GRIA2: variants seen among roughly 807,000 people sequenced by gnomAD.
The protein encoded by GRIA2 is glutamate receptor 2.
GRIA2 carries 14 observed loss-of-function variants against 97.3 expected under a neutral mutation model. That is an observed-to-expected ratio of 0.14 (90% CI 0.10 to 0.23). The LOEUF (loss-of-function observed/expected upper bound fraction) is 0.23, where lower values mean the gene tolerates loss of function less well. GRIA2 is among the 10% of genes least tolerant of loss of function. The pLI is 1.00. For synonymous variants in GRIA2, 412 were observed against 387.8 expected, an observed-to-expected ratio of 1.06 and a Z score of -0.73; for missense variants, 558 against 1,069.8, an observed-to-expected ratio of 0.52 and a Z score of 6.67.
intron 2 of GRIA2, among the ~76,000 whole-genome samples, chr4:157,293,301 A>G (rs1180997024): frequency 3.9e-5 from 6 of 152,168 alleles, no homozygotes; most frequent in Non-Finnish European, 5.9e-5. Context: ...AACAATCTAA[A>G]TATCTTTCAA....
At chr4:157,287,574 C>T (rs990864855) in intron 2 of GRIA2, among the ~76,000 whole-genome samples, 3 of 151,534 alleles carry the variant, frequency 2.0e-5, no homozygotes, top group Non-Finnish European at 4.4e-5. Context: ...AAATTGCTTT[C>T]GATTAATTTC....
intron 2 of GRIA2, among the ~76,000 whole-genome samples, chr4:157,229,978 T>G (rs1446104307): frequency 6.6e-6 from 1 of 152,192 alleles, no homozygotes; most frequent in African/African-American, 2.4e-5. Flanking sequence ...TGTGTTTATA[T>G]AAACTAAGTA....
chr4:157,232,100 A>G (rs1203712481), intron 2 of GRIA2, among the ~76,000 whole-genome samples: 2 of 152,238 alleles, frequency 1.3e-5, no homozygotes, highest in Admixed American at 1.3e-4. Flanking sequence ...TTTGGTCTAT[A>G]TATTTGAAAA....
At position 157,364,166 on chromosome 4, in the gene GRIA2, CAATCTTGTAATTT is replaced by C. The variant is rs1736772189; in HGVS notation, c.*739_*751del. On this transcript the variant is annotated 3_prime_UTR_variant, in exon 16 of 16. Transcript: ENST00000264426. ...AGGAAAGTAAACAAAGAGGAGATTCCAATCTTGTAATTTAATATTGTTATTAAAACTTTAATGT... is the reference window on the plus strand; with the variant it reads ...AGGAAAGTAAACAAAGAGGAGATTCCAATATTGTTATTAAAACTTTAATGT... 1 of 152,318 alleles carries C rather than the reference CAATCTTGTAATTT, an allele frequency of 6.6e-6. No individual in the cohort carries two copies. Among genetic ancestry groups the C allele is most frequent in the Admixed American group, 6.6e-5 (1 of 15,206 alleles). 9.4% of individuals were successfully genotyped at this position (152,318 alleles called of 1,614,324 possible). A position where few individuals can be genotyped will look rare whatever the true frequency, so the allele number is the denominator to read the frequency against.
chr4:157,336,835 C>A, intron 11 of GRIA2, 88 bp downstream of exon 11: 1 of 1,214,932 alleles, frequency 8.2e-7, no homozygotes. Context: ...AAGAAGTTAC[C>A]AGCTGCCGAC....
chr4:157,330,903 G>A (rs1735021194), intron 6 of GRIA2, among the ~76,000 whole-genome samples: 1 of 151,930 alleles, frequency 6.6e-6, no homozygotes, highest in Non-Finnish European at 1.5e-5. Context: ...GTTTTCAAAG[G>A]AGATAGTTAC....
chr4:157,338,029 TATATATATATATATATATATAC>T (rs1288679500), intron 11 of GRIA2, among the ~76,000 whole-genome samples: 38 of 11,932 alleles, frequency 3.2e-3, no homozygotes, highest in Admixed American at 0.01. Context: ...TATATATATA[TATATATATATATATATATATAC>T]ACACACATTT....
rs918215688 is a variant in GRIA2 at position 157,353,548 on chromosome 4, C to T, written c.2044-6348C>T. On this transcript the variant is annotated intron_variant, in intron 12 of 15. Coordinates refer to ENST00000264426, the MANE Select transcript of GRIA2 (RefSeq NM_001083619.3). Reference sequence around the variant, plus strand: ...AAAATTAGCCAGGTGTGGTGGTGGGCGCCTGTAGTCCCAGCTACTTGGGAG... The same window carrying T: ...AAAATTAGCCAGGTGTGGTGGTGGGTGCCTGTAGTCCCAGCTACTTGGGAG... Among the ~76,000 whole-genome samples the T allele has an allele frequency of 6.7e-5, 10 of 148,650 alleles. No individual in the cohort carries two copies. The East Asian group carries it at 1.4e-3, about 21-fold the overall frequency.
intron 2 of GRIA2, among the ~76,000 whole-genome samples, chr4:157,268,889 C>G (rs1216345199): frequency 1.3e-5 from 2 of 151,884 alleles, no homozygotes; most frequent in African/African-American, 4.8e-5. Context: ...ATAAATAGAC[C>G]TTTTCTCTTT....
rs534937814 is a variant in GRIA2 at position 157,314,908 on chromosome 4, T to G, written c.666+2033T>G. 5.9e-5 allele frequency among the ~76,000 whole-genome samples: 9 copies of G among 152,322 alleles called. No individual in the cohort carries two copies. The South Asian group carries it at 1.9e-3, about 32-fold the overall frequency. ...TGCAAAGAAAGGTAAGAAAGAGTGA[T>G]GTCTGCATCCCATGAACTCATTGCT... is the stretch of plus-strand genomic sequence containing the variant. On this transcript the variant is annotated intron_variant, in intron 4 of 15. Transcript: ENST00000264426.
At chr4:157,244,534 T>C (rs1730644984) in intron 2 of GRIA2, among the ~76,000 whole-genome samples, 1 of 152,108 alleles carries the variant, frequency 6.6e-6, no homozygotes, top group Non-Finnish European at 1.5e-5. Flanking sequence ...CCTTTCTGTT[T>C]GGTTGGAAGC....
chr4:157,343,126 C>G (rs1459685196), intron 12 of GRIA2, among the ~76,000 whole-genome samples: 1 of 151,984 alleles, frequency 6.6e-6, no homozygotes, highest in African/African-American at 2.4e-5. Flanking sequence ...CCCATTTGTT[C>G]CAATATGCAA....
At position 157,245,418 on chromosome 4, in the gene GRIA2, C is replaced by T. The variant is rs976258037; in HGVS notation, c.229+23611C>T. On this transcript the variant is annotated intron_variant, in intron 2 of 15. Coordinates refer to ENST00000264426, the MANE Select transcript of GRIA2 (RefSeq NM_001083619.3). ...TACATGTCATTCAAAGGAATAGAGT[C>T]CAACTTATAAACAAGTCTCCTGAAT... Among the ~76,000 whole-genome samples, 4 of 152,016 alleles carry T rather than the reference C, an allele frequency of 2.6e-5. No individual in the cohort carries two copies. The East Asian group carries it at 7.7e-4, about 29-fold the overall frequency.
At chr4:157,305,803 ACTT>A (rs1207874605) in intron 3 of GRIA2, among the ~76,000 whole-genome samples, 1 of 152,070 alleles carries the variant, frequency 6.6e-6, no homozygotes, top group Admixed American at 6.6e-5. Context: ...TCATTCTGTC[ACTT>A]AAGAATTGCC....
intron 6 of GRIA2, among the ~76,000 whole-genome samples, chr4:157,330,378 G>A (rs1388295354): frequency 6.6e-6 from 1 of 151,726 alleles, no homozygotes; most frequent in Non-Finnish European, 1.5e-5. Flanking sequence ...TTAAATTTTA[G>A]TACTTTTTCT....
intron 12 of GRIA2, among the ~76,000 whole-genome samples, chr4:157,355,941 T>A (rs1323536594): frequency 0.048 from 522 of 10,868 alleles, no homozygotes; most frequent in Middle Eastern, 0.17. Flanking sequence ...ATTTATATAT[T>A]AATATATATT....
intron 6 of GRIA2, among the ~76,000 whole-genome samples, chr4:157,323,336 CAAAAAAAAAAAAAAAA>C (rs779080483): frequency 3.9e-5 from 2 of 51,474 alleles, no homozygotes; most frequent in African/African-American, 8.5e-5. Context: ...GACTCTGTCT[CAAAAAAAAAAAAAAAA>C]AAAAAAAAAA....
intron 2 of GRIA2, among the ~76,000 whole-genome samples, chr4:157,285,961 A>G (rs1323671128): frequency 2.0e-5 from 3 of 151,492 alleles, no homozygotes; most frequent in Non-Finnish European, 4.4e-5. Context: ...TAGGTGATAT[A>G]ATAATAAGGA....
intron 2 of GRIA2, among the ~76,000 whole-genome samples, chr4:157,292,312 A>T (rs925027148): frequency 3.3e-5 from 5 of 152,096 alleles, no homozygotes; most frequent in Admixed American, 2.6e-4. Context: ...CAATAAAATT[A>T]CATTAAAAGC....
Sources: gnomAD v4.1 joint callset for allele counts (sites outside exome capture counted in the v4.1 genomes callset) on GRCh38, gnomAD v4.1.1 for gene constraint, MANE v1.5 for transcripts, NCBI Gene and HGNC (gene_info 2026-07-23, HGNC 2026-07-21) for gene names.